FRMD4A: variants seen among roughly 807,000 people sequenced by gnomAD.
FRMD4A encodes the protein FERM domain containing 4A.
FRMD4A carries 29 observed loss-of-function variants against 129.1 expected under a neutral mutation model. The ratio of observed to expected loss-of-function variants is 0.22; its 90% confidence interval spans 0.17 to 0.31. The LOEUF is 0.31. Among genes scored for constraint, FRMD4A ranks in the 10% least tolerant of loss-of-function variants. FRMD4A has a pLI of 1.00. For synonymous variants in FRMD4A, 634 were observed against 571.6 expected, an observed-to-expected ratio of 1.11 and a Z score of -1.56; for missense variants, 1,272 against 1,375.8, an observed-to-expected ratio of 0.92 and a Z score of 1.19.
intron 2 of FRMD4A, among the ~76,000 whole-genome samples, chr10:14,185,427 C>G (rs79026977): frequency 0.043 from 6,609 of 152,256 alleles, 232 homozygotes; most frequent in Non-Finnish European, 0.067. Flanking sequence ...GTAAGGAGAG[C>G]TAGTACAGAT....
chr10:13,716,837 T>C (rs905127193), intron 12 of FRMD4A, among the ~76,000 whole-genome samples: 1 of 152,222 alleles, frequency 6.6e-6, no homozygotes, highest in Non-Finnish European at 1.5e-5. Flanking sequence ...TAGAGGCCTC[T>C]CTCTGTATTA....
intron 2 of FRMD4A, among the ~76,000 whole-genome samples, chr10:14,126,490 C>T (rs1482211208): frequency 6.6e-6 from 1 of 152,096 alleles, no homozygotes; most frequent in African/African-American, 2.4e-5. Flanking sequence ...CTTTTACCTA[C>T]TCAGTTTCTC....
At chr10:13,889,592 C>T (rs547939370) in intron 2 of FRMD4A, among the ~76,000 whole-genome samples, 188 of 152,178 alleles carry the variant, frequency 1.2e-3, no homozygotes, top group Admixed American at 3.5e-3. Flanking sequence ...AAAGAGAACC[C>T]GTGCCATAAA....
At chr10:14,234,331 T>C (rs1254283559) in intron 2 of FRMD4A, among the ~76,000 whole-genome samples, 4 of 152,170 alleles carry the variant, frequency 2.6e-5, no homozygotes, top group Non-Finnish European at 5.9e-5. Flanking sequence ...AGGCCACCCA[T>C]CACACTGACC....
intron 12 of FRMD4A, among the ~76,000 whole-genome samples, chr10:13,720,528 G>A (rs1008362002): frequency 6.6e-6 from 1 of 152,194 alleles, no homozygotes; most frequent in African/African-American, 2.4e-5. Context: ...AGGCACTGAG[G>A]ATACAGCAGT....
At chr10:13,779,855 G>C (rs1049105144) in intron 6 of FRMD4A, among the ~76,000 whole-genome samples, 1 of 150,918 alleles carries the variant, frequency 6.6e-6, no homozygotes, top group Non-Finnish European at 1.5e-5. Flanking sequence ...TTCACATAAA[G>C]CACTCAGCAA....
intron 16 of FRMD4A, among the ~76,000 whole-genome samples, chr10:13,674,688 C>G (rs940285623): frequency 6.6e-6 from 1 of 152,232 alleles, no homozygotes; most frequent in African/African-American, 2.4e-5. Flanking sequence ...TCTGCTCTTT[C>G]TCTGACAAAG....
At chr10:14,154,621 C>A (rs1032769966) in intron 2 of FRMD4A, among the ~76,000 whole-genome samples, 1 of 152,108 alleles carries the variant, frequency 6.6e-6, no homozygotes. Flanking sequence ...AAATTAACAA[C>A]GTTCAAATTT....
At chr10:13,666,911 C>CTTTTTTTTTT (rs10546068) in intron 17 of FRMD4A, among the ~76,000 whole-genome samples, 36 of 114,354 alleles carry the variant, frequency 3.1e-4, no homozygotes, top group East Asian at 7.5e-4. Context: ...CTTTTCTTTT[C>CTTTTTTTTTT]TTTTTTTTTT....
chr10:13,906,573 G>A (rs945396923), intron 2 of FRMD4A, among the ~76,000 whole-genome samples: 3 of 152,170 alleles, frequency 2.0e-5, no homozygotes, highest in African/African-American at 7.2e-5. Flanking sequence ...CACTAAGGGC[G>A]TGAAATCTGG....
At chr10:13,785,873 T>C (rs962548706) in intron 5 of FRMD4A, among the ~76,000 whole-genome samples, 9 of 152,052 alleles carry the variant, frequency 5.9e-5, no homozygotes, top group Non-Finnish European at 1.2e-4. Flanking sequence ...CATGTGGTGT[T>C]TGGTTTTCTG....
At chr10:14,244,455 T>C (rs1439712171) in intron 2 of FRMD4A, among the ~76,000 whole-genome samples, 1 of 152,222 alleles carries the variant, frequency 6.6e-6, no homozygotes, top group African/African-American at 2.4e-5. Context: ...TTACATTGCC[T>C]GAGATGGGGG....
chr10:13,812,673 C>A (rs1220884437), intron 3 of FRMD4A, among the ~76,000 whole-genome samples: 1 of 152,166 alleles, frequency 6.6e-6, no homozygotes, highest in Non-Finnish European at 1.5e-5. Flanking sequence ...TCCTGGGCTC[C>A]TGGGTGGCAG....
intron 6 of FRMD4A, among the ~76,000 whole-genome samples, chr10:13,781,252 C>G (rs1430566459): frequency 2.4e-5 from 3 of 125,104 alleles, no homozygotes; most frequent in Non-Finnish European, 4.7e-5. Flanking sequence ...TGCAGTGAGC[C>G]AAGATTGCAC....
chr10:13,800,625 G>C (rs938468614), intron 4 of FRMD4A, among the ~76,000 whole-genome samples: 1 of 152,168 alleles, frequency 6.6e-6, no homozygotes, highest in African/African-American at 2.4e-5. Flanking sequence ...ACTGGCATAT[G>C]AGTGACCACA....
chr10:14,048,902 GAA>G (rs573882129), intron 2 of FRMD4A, among the ~76,000 whole-genome samples: 22 of 122,802 alleles, frequency 1.8e-4, no homozygotes, highest in African/African-American at 7.4e-4. Flanking sequence ...GAATAGAATA[GAA>G]AATAAAATGA....
chr10:13,917,077 A>G (rs186074614), intron 2 of FRMD4A, among the ~76,000 whole-genome samples: 95 of 152,332 alleles, frequency 6.2e-4, no homozygotes, highest in Middle Eastern at 6.8e-3. Context: ...CAGGGATGAC[A>G]TACTTCCTGA....
At chr10:13,679,268 GA>G (rs574695335) in intron 15 of FRMD4A, among the ~76,000 whole-genome samples, 24 of 143,666 alleles carry the variant, frequency 1.7e-4, no homozygotes, top group South Asian at 4.5e-4. Flanking sequence ...CTAAAAATAC[GA>G]AAAAAAAAAT....
At chr10:13,982,525 CTTGT>C (rs1261692091) in intron 2 of FRMD4A, among the ~76,000 whole-genome samples, 1 of 149,246 alleles carries the variant, frequency 6.7e-6, no homozygotes, top group Non-Finnish European at 1.5e-5. Context: ...TCTGACCTAC[CTTGT>C]TTGACTGTAG....
Sources: allele counts gnomAD v4.1 joint callset (sites outside exome capture counted in the v4.1 genomes callset), GRCh38; gene constraint gnomAD v4.1.1; transcripts MANE v1.5; gene names NCBI Gene and HGNC (gene_info 2026-07-23, HGNC 2026-07-21).